Variants in BAZ2B observed in about 807,000 individuals in gnomAD.
BAZ2B encodes bromodomain adjacent to zinc finger domain protein 2B.
BAZ2B carries 91 observed loss-of-function variants against 246.0 expected under a neutral mutation model. That is an observed-to-expected ratio of 0.37 (90% CI 0.31 to 0.44). The LOEUF (loss-of-function observed/expected upper bound fraction) is 0.44. Ranked by LOEUF, BAZ2B falls within the 20% of genes least tolerant of loss-of-function variation. The pLI is 1.00. For missense variants in BAZ2B, 2,332 were observed against 2,533.7 expected, an observed-to-expected ratio of 0.92 and a Z score of 1.71; for synonymous variants, 855 against 860.0, an observed-to-expected ratio of 0.99 and a Z score of 0.10.
intron 2 of BAZ2B, among the ~76,000 whole-genome samples, chr2:159,514,528 T>C (rs577720062): frequency 2.0e-3 from 310 of 152,236 alleles, no homozygotes; most frequent in Middle Eastern, 3.4e-3. Flanking sequence ...ATGAAAAAAA[T>C]AAAACCATCC....
At chr2:159,375,225 C>CCA (rs141665055) in intron 25 of BAZ2B, among the ~76,000 whole-genome samples, 1 of 151,784 alleles carries the variant, frequency 6.6e-6, no homozygotes, top group African/African-American at 2.4e-5. Context: ...ACATAGCAAA[C>CCA]CACACACACA....
At chr2:159,690,015 C>A in the BAZ2B span, 2 of 407,576 alleles carry the variant, frequency 4.9e-6, no homozygotes, top group South Asian at 6.6e-5. Flanking sequence ...CAAGTAAGAT[C>A]CATGACATGG....
the BAZ2B span, among the ~76,000 whole-genome samples, chr2:159,629,530 T>A: frequency 1.3e-5 from 2 of 152,154 alleles, no homozygotes; most frequent in African/African-American, 4.8e-5. Context: ...TGCAGGCACA[T>A]GGATGAAGCT....
At chr2:159,527,504 T>A (rs2084888674) in intron 2 of BAZ2B, among the ~76,000 whole-genome samples, 1 of 152,220 alleles carries the variant, frequency 6.6e-6, no homozygotes, top group Non-Finnish European at 1.5e-5. Context: ...TGTTTTTGCA[T>A]CACATGGAGA....
rs1011505393 is a variant in BAZ2B at position 159,389,488 on chromosome 2, TAA to T, written c.3076-5_3076-4del. On this transcript the variant is annotated splice_polypyrimidine_tract_variant and splice_region_variant and intron_variant, in intron 20 of 36. Coordinates refer to ENST00000392783, the MANE Select transcript of BAZ2B (RefSeq NM_013450.4). Reference sequence around the variant, plus strand: ...TCTTGTTTCAACCGCTCTTTTTCCTTAAAAAGAAAACCATGTACACATATTCT... The same window carrying T: ...TCTTGTTTCAACCGCTCTTTTTCCTTAAAGAAAACCATGTACACATATTCT... The T allele has an allele frequency of 1.9e-6, 3 of 1,595,560 alleles. No individual in the cohort carries two copies. The highest frequency in any genetic ancestry group is 1.4e-5 in the African/African-American group (1 of 73,868).
chr2:159,692,423 G>A, the BAZ2B span, among the ~76,000 whole-genome samples: 2 of 152,102 alleles, frequency 1.3e-5, no homozygotes, highest in East Asian at 1.9e-4. Context: ...CTCCCAAAGC[G>A]CTGGGATTAC....
rs765672874 is a variant in BAZ2B at position 159,398,906 on chromosome 2, A to C, written c.2899-12T>G. 6.2e-7 allele frequency: 1 copy of C among 1,607,670 alleles called. No homozygotes were observed. Among genetic ancestry groups the C allele is most frequent in the Non-Finnish European group, 8.5e-7 (1 of 1,179,378 alleles). The stretch of plus-strand genomic sequence containing the variant: ...TTTTTCTTTTTAGCCTGTGCATGCA[A>C]AACAGGTCTCAAAGTCATGCAACAG... On this transcript the variant is annotated splice_polypyrimidine_tract_variant and intron_variant, in intron 17 of 36. Coordinates refer to ENST00000392783, the MANE Select transcript of BAZ2B (RefSeq NM_013450.4).
At chr2:159,689,858 G>A in the BAZ2B span, 1 of 465,910 alleles carries the variant, frequency 2.1e-6, no homozygotes, top group South Asian at 2.6e-5. Context: ...CTGGTACTGA[G>A]CATAAGAGGT....
intron 2 of BAZ2B, among the ~76,000 whole-genome samples, chr2:159,510,798 TA>T (rs1247465095): frequency 6.6e-6 from 1 of 152,200 alleles, no homozygotes; most frequent in Non-Finnish European, 1.5e-5. Flanking sequence ...TCCTTTTCCT[TA>T]AAGGAGCTTT....
chr2:159,632,697 TAA>T, the BAZ2B span, among the ~76,000 whole-genome samples: 1 of 152,152 alleles, frequency 6.6e-6, no homozygotes, highest in African/African-American at 2.4e-5. Context: ...CTGATAAACT[TAA>T]GAGACAGAAA....
Position 159,427,926 on chromosome 2 carries a change from T to A in BAZ2B, c.2466+15A>T. 1 of 1,606,452 alleles carries A rather than the reference T, an allele frequency of 6.2e-7. No individual in the cohort carries two copies. Among genetic ancestry groups the A allele is most frequent in the Non-Finnish European group, 8.5e-7 (1 of 1,173,656 alleles). On this transcript the variant is annotated intron_variant, in intron 13 of 36. Coordinates refer to ENST00000392783, the MANE Select transcript of BAZ2B (RefSeq NM_013450.4). ...CTTTTTGGTTCAAAGACTATACTTTTTAAAAAGTGGATACCTGCGGTCCAT... is the reference window on the plus strand; with the variant it reads ...CTTTTTGGTTCAAAGACTATACTTTATAAAAAGTGGATACCTGCGGTCCAT...
the BAZ2B span, among the ~76,000 whole-genome samples, chr2:159,666,239 T>C: frequency 6.9e-6 from 1 of 144,560 alleles, no homozygotes; most frequent in Non-Finnish European, 1.5e-5. Flanking sequence ...GGCCAATTTA[T>C]TATATTTTTT....
chr2:159,462,473 T>C, intron 3 of BAZ2B: 2 of 1,098,378 alleles, frequency 1.8e-6, no homozygotes, highest in Non-Finnish European at 2.8e-6. Flanking sequence ...AACCGGAAGC[T>C]GCCGGCGCAA....
intron 2 of BAZ2B, among the ~76,000 whole-genome samples, chr2:159,541,819 G>T (rs536958885): frequency 5.3e-5 from 8 of 152,008 alleles, no homozygotes; most frequent in African/African-American, 1.9e-4. Flanking sequence ...ATTTCAGCCT[G>T]AAGATCTCCC....
At chr2:159,411,760 T>C (rs2066874121) in intron 14 of BAZ2B, 2 of 180,880 alleles carry the variant, frequency 1.1e-5, no homozygotes, top group Admixed American at 6.5e-5. Context: ...GTTTAGGTTA[T>C]TATCAGCACT....
chr2:159,580,449 A>G (rs1352773788), intron 1 of BAZ2B, among the ~76,000 whole-genome samples: 3 of 152,248 alleles, frequency 2.0e-5, no homozygotes, highest in Non-Finnish European at 4.4e-5. Flanking sequence ...TTCCATGCTC[A>G]TGGATAGGAA....
chr2:159,676,685 T>C, the BAZ2B span, among the ~76,000 whole-genome samples: 6 of 45,656 alleles, frequency 1.3e-4, no homozygotes, highest in African/African-American at 3.3e-4. Flanking sequence ...ACACACAGAG[T>C]TGTTTTAAAG....
chr2:159,368,362 A>C (rs2060451324), intron 27 of BAZ2B, among the ~76,000 whole-genome samples: 1 of 152,178 alleles, frequency 6.6e-6, no homozygotes, highest in Admixed American at 6.5e-5. Context: ...CTTCTTTTGC[A>C]TCTCCACAGC....
chr2:159,394,106 C>A (rs2063684174), intron 20 of BAZ2B, among the ~76,000 whole-genome samples: 1 of 151,898 alleles, frequency 6.6e-6, no homozygotes, highest in Non-Finnish European at 1.5e-5. Flanking sequence ...AATGGCAAGC[C>A]CTGGTTCTTT....
Sources: gnomAD v4.1 joint callset for allele counts (sites outside exome capture counted in the v4.1 genomes callset) on GRCh38, gnomAD v4.1.1 for gene constraint, MANE v1.5 for transcripts, NCBI Gene and HGNC (gene_info 2026-07-23, HGNC 2026-07-21) for gene names.